The following ULK4 variants were observed in gnomAD, a reference collection of about 807,000 sequenced individuals.
ULK4 encodes unc-51 like kinase 4.
A neutral mutation model predicts 160.6 loss-of-function variants in ULK4; 133 were observed. The observed-to-expected ratio is 0.83, with a 90% CI of 0.72 to 0.96. The LOEUF (loss-of-function observed/expected upper bound fraction) is 0.96. Among genes scored for constraint, ULK4 ranks in the 40% least tolerant of loss-of-function variants. The pLI is 0.00. For missense variants in ULK4, 1,580 were observed against 1,499.5 expected, an observed-to-expected ratio of 1.05 and a Z score of -0.89; for synonymous variants, 534 against 539.8, an observed-to-expected ratio of 0.99 and a Z score of 0.15.
intron 30 of ULK4, among the ~76,000 whole-genome samples, chr3:41,619,818 A>G (rs981097779): frequency 1.4e-4 from 21 of 152,340 alleles, no homozygotes; most frequent in African/African-American, 5.0e-4. Context: ...AAAATAATCA[A>G]TTAATCCAGG....
At chr3:41,396,499 T>C (rs1463472110) in intron 35 of ULK4, among the ~76,000 whole-genome samples, 1 of 152,134 alleles carries the variant, frequency 6.6e-6, no homozygotes, top group Non-Finnish European at 1.5e-5. Context: ...TCTCTAGTAC[T>C]TGTCTTCAGA....
chr3:41,390,886 C>G (rs564829132), intron 35 of ULK4, among the ~76,000 whole-genome samples: 10 of 152,036 alleles, frequency 6.6e-5, no homozygotes, highest in Non-Finnish European at 7.4e-5. Flanking sequence ...ATTAGGTCTG[C>G]TTGGTGCAGA....
intron 35 of ULK4, among the ~76,000 whole-genome samples, chr3:41,299,755 A>G (rs563006698): frequency 6.6e-6 from 1 of 152,340 alleles, no homozygotes; most frequent in African/African-American, 2.4e-5. Context: ...CATAGCTTAC[A>G]TATTTTTCCA....
At chr3:41,887,800 G>T (rs1697777845) in intron 16 of ULK4, among the ~76,000 whole-genome samples, 3 of 151,866 alleles carry the variant, frequency 2.0e-5, no homozygotes. Context: ...CTCCCGCCTG[G>T]GTGACAGAGT....
intron 31 of ULK4, among the ~76,000 whole-genome samples, chr3:41,568,087 T>C (rs981226030): frequency 6.6e-6 from 1 of 152,232 alleles, no homozygotes; most frequent in African/African-American, 2.4e-5. Context: ...GGATTATTCA[T>C]TTTTGCAACA....
chr3:41,439,659 A>G (rs1018327103), intron 34 of ULK4, among the ~76,000 whole-genome samples: 8 of 152,194 alleles, frequency 5.3e-5, no homozygotes, highest in Non-Finnish European at 1.2e-4. Flanking sequence ...AAATCAGAGT[A>G]TTAGCCCTCC....
intron 35 of ULK4, among the ~76,000 whole-genome samples, chr3:41,305,273 C>T (rs1286670286): frequency 2.6e-5 from 4 of 152,034 alleles, no homozygotes; most frequent in African/African-American, 9.7e-5. Flanking sequence ...GTCTCCCTCT[C>T]ATGCTGAGCC....
In ULK4 at chr3:41,756,733, G is replaced by A. The variant is rs150296018; in HGVS notation, c.2194-2245C>T. 1.0e-4 allele frequency among the ~76,000 whole-genome samples: 15 copies of A among 145,166 alleles called. No homozygotes were observed. The East Asian group carries it at 2.5e-3, about 24-fold the overall frequency. ...TGAAACACAAAGTGATGAAAACGAA[G>A]AAAGTTCCACTAGATATTGATCTAC... On this transcript the variant is annotated intron_variant, in intron 21 of 36. Coordinates refer to ENST00000301831, the MANE Select transcript of ULK4 (RefSeq NM_017886.4).
chr3:41,508,237 T>A (rs1156783449), intron 32 of ULK4, among the ~76,000 whole-genome samples: 1 of 152,088 alleles, frequency 6.6e-6, no homozygotes, highest in African/African-American at 2.4e-5. Flanking sequence ...ATAACTTCAC[T>A]GGACTGGGAA....
chr3:41,804,538 T>C (rs2040577097), intron 19 of ULK4, among the ~76,000 whole-genome samples: 1 of 151,400 alleles, frequency 6.6e-6, no homozygotes, highest in Admixed American at 6.6e-5. Flanking sequence ...TTTGGTGTTT[T>C]AGACATGAAG....
At chr3:41,901,172 C>CTTTT (rs201425733) in intron 12 of ULK4, among the ~76,000 whole-genome samples, 72 of 119,900 alleles carry the variant, frequency 6.0e-4, no homozygotes, top group East Asian at 4.0e-3. Context: ...AGCATGGCTT[C>CTTTT]TTTTTTTTTT....
At chr3:41,923,634 C>T (rs1339942328) in intron 5 of ULK4, among the ~76,000 whole-genome samples, 2 of 152,172 alleles carry the variant, frequency 1.3e-5, no homozygotes, top group African/African-American at 4.8e-5. Context: ...AGAGCAAAAG[C>T]ACTGATGAAT....
chr3:41,345,418 T>C (rs112592693), intron 35 of ULK4, among the ~76,000 whole-genome samples: 4,388 of 152,250 alleles, frequency 0.029, 183 homozygotes, highest in African/African-American at 0.093. Flanking sequence ...ATGTGGTACA[T>C]ATACACAATG....
Position 41,764,731 on chromosome 3 carries a change from A to G in ULK4, c.2194-10243T>C, listed in dbSNP as rs2039102937. On this transcript the variant is annotated intron_variant, in intron 21 of 36. Coordinates refer to ENST00000301831, the MANE Select transcript of ULK4 (RefSeq NM_017886.4). Reference sequence around the variant, plus strand: ...AGGAAGACCTGGCTTCAAATGCCACATTTCTTAAAGGAATAACTGCTATGA... The same window carrying G: ...AGGAAGACCTGGCTTCAAATGCCACGTTTCTTAAAGGAATAACTGCTATGA... 2.0e-5 allele frequency among the ~76,000 whole-genome samples: 3 copies of G among 152,266 alleles called. No homozygotes were observed. In the South Asian group the frequency reaches 6.2e-4, roughly 31 times the overall value.
At chr3:41,630,352 T>A (rs2033692981) in intron 30 of ULK4, among the ~76,000 whole-genome samples, 2 of 152,194 alleles carry the variant, frequency 1.3e-5, no homozygotes, top group African/African-American at 4.8e-5. Context: ...AGGGCTGAAG[T>A]CCTCATTTCC....
intron 35 of ULK4, among the ~76,000 whole-genome samples, chr3:41,289,806 CTTATGTAT>C (rs1352244606): frequency 7.3e-6 from 1 of 136,848 alleles, no homozygotes. Context: ...ATTAGGTCAA[CTTATGTAT>C]GTATGTATGT....
At chr3:41,603,518 C>A (rs1454469267) in intron 31 of ULK4, among the ~76,000 whole-genome samples, 1 of 152,040 alleles carries the variant, frequency 6.6e-6, no homozygotes, top group Non-Finnish European at 1.5e-5. Flanking sequence ...TTATACTATA[C>A]CCCAATGAAT....
chr3:41,681,920 C>G, intron 27 of ULK4, 116 bp from the exon 28 acceptor site: 1 of 1,047,150 alleles, frequency 9.5e-7, no homozygotes, highest in South Asian at 1.5e-5. Flanking sequence ...AAAAAAGCAA[C>G]GGCTAAGTTT....
At chr3:41,444,634 T>C (rs1270161220) in intron 34 of ULK4, among the ~76,000 whole-genome samples, 1 of 152,122 alleles carries the variant, frequency 6.6e-6, no homozygotes, top group Non-Finnish European at 1.5e-5. Flanking sequence ...CATAAAAACT[T>C]AACCATTAAT....
Sources: allele counts gnomAD v4.1 joint callset (sites outside exome capture counted in the v4.1 genomes callset), GRCh38; gene constraint gnomAD v4.1.1; transcripts MANE v1.5; gene names NCBI Gene and HGNC (gene_info 2026-07-23, HGNC 2026-07-21).